The following DOCK9 variants were observed in gnomAD, a reference collection of about 807,000 sequenced individuals.
DOCK9 encodes dedicator of cytokinesis protein 9.
Under a neutral mutation model 263.3 loss-of-function variants are expected in DOCK9, and 89 were observed. The ratio of observed to expected loss-of-function variants is 0.34; its 90% CI spans 0.28 to 0.40. The LOEUF is 0.40. DOCK9 is among the 10% of genes least tolerant of loss of function. The probability of loss-of-function intolerance (pLI) is 1.00; values close to 1 mark genes in which losing one functional copy is unlikely to be tolerated. For missense variants in DOCK9, 2,140 were observed against 2,603.4 expected (o/e 0.82, Z 3.87); for synonymous variants, 976 against 973.1 (o/e 1.00, Z -0.06).
At chr13:98,955,604 A>G in intron 1 of DOCK9, 53 bp from the exon 2 acceptor site, 1 of 1,251,554 alleles carries the variant, frequency 8.0e-7, no homozygotes, top group South Asian at 1.3e-5. Context: ...GCCATTTCTT[A>G]AGATAAAGAA....
chr13:98,851,660 G>A (rs2093575656), intron 35 of DOCK9, among the ~76,000 whole-genome samples: 2 of 152,182 alleles, frequency 1.3e-5, no homozygotes, highest in South Asian at 2.1e-4. Flanking sequence ...CATTAAATGT[G>A]GAATAAATGA....
At chr13:98,980,704 T>C (rs1170718503), upstream of DOCK9, among the ~76,000 whole-genome samples, 1 of 152,224 alleles carries the variant, frequency 6.6e-6, no homozygotes, top group Non-Finnish European at 1.5e-5. Flanking sequence ...TTTTGCTGTG[T>C]GATCTAAAAT....
At chr13:98,943,876 A>G (rs1416628447) in intron 2 of DOCK9, among the ~76,000 whole-genome samples, 9 of 152,348 alleles carry the variant, frequency 5.9e-5, no homozygotes, top group Middle Eastern at 3.4e-3. Flanking sequence ...GAGACACAGT[A>G]TATACTTCAT....
intron 1 of DOCK9, among the ~76,000 whole-genome samples, chr13:99,019,349 A>T (rs1309789787): frequency 6.6e-6 from 1 of 151,176 alleles, no homozygotes; most frequent in African/African-American, 2.4e-5. Flanking sequence ...ATACACACAT[A>T]TAGTCTGTGA....
At chr13:98,927,411 C>T (rs978938444) in intron 3 of DOCK9, among the ~76,000 whole-genome samples, 30 of 152,144 alleles carry the variant, frequency 2.0e-4, no homozygotes, top group Admixed American at 6.5e-4. Flanking sequence ...CTATGTACGA[C>T]GTGGTCTTGT....
At chr13:99,076,948 G>A (rs374033669) in intron 1 of DOCK9, among the ~76,000 whole-genome samples, 1 of 152,216 alleles carries the variant, frequency 6.6e-6, no homozygotes, top group South Asian at 2.1e-4. Context: ...GGACATGCGA[G>A]TACAGTTTCA....
In DOCK9 at chr13:98,860,541, C is replaced by A; in HGVS notation, c.3580-19G>T. The A allele has an allele frequency of 1.3e-6, 2 of 1,540,858 alleles. No individual in the cohort carries two copies. Among genetic ancestry groups the A allele is most frequent in the Non-Finnish European group, 1.8e-6 (2 of 1,140,172 alleles). ...TCACAGTCTGTCAAGGAGAGGAAAGCAGAAACAATCAAAGATGACTGGAAA... is the reference window on the plus strand; with the variant it reads ...TCACAGTCTGTCAAGGAGAGGAAAGAAGAAACAATCAAAGATGACTGGAAA... On this transcript the variant is annotated intron_variant, in intron 32 of 52. Coordinates refer to ENST00000682017, the MANE Select transcript of DOCK9 (RefSeq NM_001366683.2).
chr13:98,950,921 T>C (rs983692414), intron 2 of DOCK9, among the ~76,000 whole-genome samples: 1 of 152,198 alleles, frequency 6.6e-6, no homozygotes, highest in Non-Finnish European at 1.5e-5. Context: ...TGGAAATCAA[T>C]AGTCAGCTGC....
chr13:99,086,476 T>C (rs1027959802), exon 1 of DOCK9: 3 of 554,230 alleles, frequency 5.4e-6, no homozygotes, highest in East Asian at 1.5e-4. Flanking sequence ...CGCCGCCTGC[T>C]CCCCCCGCTG....
intron 26 of DOCK9, 123 bp from the exon 27 acceptor site, chr13:98,880,092 T>A: frequency 1.5e-6 from 1 of 682,858 alleles, no homozygotes. Context: ...CGGCTGCACC[T>A]CTTGGCACAT....
At chr13:98,915,243 C>T in intron 8 of DOCK9, 86 bp downstream of exon 8, 2 of 1,356,408 alleles carry the variant, frequency 1.5e-6, no homozygotes, top group Non-Finnish European at 2.0e-6. Context: ...ACTTGTGTAA[C>T]ACAGGTCTCC....
At chr13:98,848,924 C>G (rs1303097889) in intron 36 of DOCK9, among the ~76,000 whole-genome samples, 2 of 152,122 alleles carry the variant, frequency 1.3e-5, no homozygotes, top group African/African-American at 4.8e-5. Flanking sequence ...CAGGATCGTC[C>G]ATCGACTCAG....
intron 30 of DOCK9, among the ~76,000 whole-genome samples, chr13:98,866,195 C>T (rs756154857): frequency 2.0e-5 from 3 of 152,170 alleles, no homozygotes; most frequent in Non-Finnish European, 2.9e-5. Flanking sequence ...CAGTGTCTGA[C>T]ATTCTATGTA....
intron 49 of DOCK9, among the ~76,000 whole-genome samples, chr13:98,801,525 T>C (rs1157271049): frequency 1.3e-5 from 2 of 152,172 alleles, no homozygotes; most frequent in East Asian, 1.9e-4. Context: ...CATAATGAGA[T>C]ACCTAAACAT....
intron 38 of DOCK9, among the ~76,000 whole-genome samples, chr13:98,840,023 AT>A (rs1469530798): frequency 2.0e-5 from 3 of 152,136 alleles, no homozygotes; most frequent in African/African-American, 7.2e-5. Flanking sequence ...AGCTAGAGCT[AT>A]TTTTTTAAAT....
intron 1 of DOCK9, among the ~76,000 whole-genome samples, chr13:99,069,486 C>T (rs1162820122): frequency 1.3e-5 from 2 of 152,214 alleles, no homozygotes; most frequent in African/African-American, 4.8e-5. Context: ...ACCAATGACA[C>T]TTGACAACAC....
At chr13:99,021,633 T>G (rs1595924851) in intron 1 of DOCK9, among the ~76,000 whole-genome samples, 1 of 106,146 alleles carries the variant, frequency 9.4e-6, no homozygotes, top group Non-Finnish European at 2.0e-5. Context: ...AGTGAGACTC[T>G]GTCTCAAAAA....
At chr13:98,868,660 TG>T (rs1471414537) in intron 27 of DOCK9, among the ~76,000 whole-genome samples, 1 of 151,828 alleles carries the variant, frequency 6.6e-6, no homozygotes, top group Admixed American at 6.6e-5. Context: ...GAGGCTGAGG[TG>T]GTAGGATTGC....
intron 37 of DOCK9, among the ~76,000 whole-genome samples, chr13:98,848,184 C>A (rs1340585376): frequency 6.6e-6 from 1 of 152,140 alleles, no homozygotes; most frequent in Non-Finnish European, 1.5e-5. Flanking sequence ...ATTTTAGTAT[C>A]TTTGTAGTTG....
Sources: gnomAD v4.1 joint callset for allele counts (sites outside exome capture counted in the v4.1 genomes callset) on GRCh38, gnomAD v4.1.1 for gene constraint, MANE v1.5 for transcripts, NCBI Gene and HGNC (gene_info 2026-07-23, HGNC 2026-07-21) for gene names.